Variants in AUTS2 observed in about 807,000 individuals in gnomAD.
AUTS2 encodes the protein autism susceptibility gene 2 protein.
In AUTS2, 17 loss-of-function variants were observed where a neutral mutation model predicts 112.4. That is an observed-to-expected ratio of 0.15 (90% CI 0.10 to 0.23). The LOEUF is 0.23. Ranked by LOEUF, AUTS2 falls within the 10% of genes least tolerant of loss-of-function variation. The pLI is 1.00. For synonymous variants in AUTS2, 751 were observed against 702.7 expected, an observed-to-expected ratio of 1.07 and a Z score of -1.09; for missense variants, 1,510 against 1,701.6, an observed-to-expected ratio of 0.89 and a Z score of 1.98.
intron 1 of AUTS2, among the ~76,000 whole-genome samples, chr7:69,619,383 C>A (rs1793547675): frequency 6.6e-6 from 1 of 152,082 alleles, no homozygotes; most frequent in South Asian, 2.1e-4. Flanking sequence ...TATAGCATTA[C>A]CTTGGAAGTC....
chr7:70,122,377 A>G (rs1231035457), intron 3 of AUTS2, among the ~76,000 whole-genome samples: 3 of 152,234 alleles, frequency 2.0e-5, no homozygotes, highest in Non-Finnish European at 2.9e-5. Context: ...AATAATGCTT[A>G]TTCTGCTTTC....
In AUTS2 at chr7:70,581,415, G is replaced by A. The variant is rs559996816; in HGVS notation, c.691-117154G>A. ...AAATAAATAAATAAATAAATTAGCCGGGTGCGATGGCATGTGCCTATAGTC... is the reference window on the plus strand; with the variant it reads ...AAATAAATAAATAAATAAATTAGCCAGGTGCGATGGCATGTGCCTATAGTC... On this transcript the variant is annotated intron_variant, in intron 5 of 18. Transcript: ENST00000342771. 1.5e-3 allele frequency among the ~76,000 whole-genome samples: 232 copies of A among 152,236 alleles called. 2 individuals carry two copies. The highest frequency in any genetic ancestry group is 6.8e-3 in the Middle Eastern group (2 of 294).
intron 4 of AUTS2, among the ~76,000 whole-genome samples, chr7:70,381,381 G>C (rs765855342): frequency 1.5e-4 from 23 of 152,302 alleles, no homozygotes; most frequent in Admixed American, 6.5e-4. Flanking sequence ...CTTTACAGCT[G>C]TGTGTTTTCC....
chr7:69,630,649 A>T (rs909685134), intron 1 of AUTS2, among the ~76,000 whole-genome samples: 2 of 152,238 alleles, frequency 1.3e-5, no homozygotes, highest in Non-Finnish European at 2.9e-5. Flanking sequence ...TTTGTTCAAG[A>T]TGTGGAAGTG....
chr7:69,903,320 A>G (rs1277993847), intron 2 of AUTS2, among the ~76,000 whole-genome samples: 1 of 152,232 alleles, frequency 6.6e-6, no homozygotes, highest in African/African-American at 2.4e-5. Context: ...AACCCTTCCC[A>G]GGGCATTGAG....
chr7:70,651,478 G>A (rs1313304246), intron 5 of AUTS2, among the ~76,000 whole-genome samples: 3 of 152,162 alleles, frequency 2.0e-5, no homozygotes, highest in East Asian at 1.9e-4. Flanking sequence ...TTAACCTACT[G>A]AGCATTGTAG....
chr7:69,611,604 G>T (rs573714724), intron 1 of AUTS2, among the ~76,000 whole-genome samples: 1 of 152,322 alleles, frequency 6.6e-6, no homozygotes, highest in South Asian at 2.1e-4. Context: ...AACTCAGCAT[G>T]TCTATACTGC....
chr7:70,259,883 A>C (rs1419619856), intron 4 of AUTS2, among the ~76,000 whole-genome samples: 9 of 152,182 alleles, frequency 5.9e-5, no homozygotes, highest in Non-Finnish European at 1.2e-4. Context: ...GAATAAATAT[A>C]TTTTAAGTGT....
At chr7:69,793,815 G>A (rs774301698) in intron 1 of AUTS2, among the ~76,000 whole-genome samples, 3 of 152,048 alleles carry the variant, frequency 2.0e-5, no homozygotes, top group South Asian at 2.1e-4. Flanking sequence ...TGATTTTAAT[G>A]TGCAGCCAAG....
intron 5 of AUTS2, among the ~76,000 whole-genome samples, chr7:70,601,690 A>G (rs1389207687): frequency 6.6e-6 from 1 of 152,154 alleles, no homozygotes; most frequent in Non-Finnish European, 1.5e-5. Flanking sequence ...CAAGTAGAGA[A>G]GCGGGGACAG....
intron 4 of AUTS2, among the ~76,000 whole-genome samples, chr7:70,338,880 T>A (rs1043695043): frequency 1.2e-5 from 1 of 84,270 alleles, no homozygotes; most frequent in Non-Finnish European, 2.9e-5. Flanking sequence ...TTATTTATTT[T>A]GAGACAGAGT....
At chr7:70,607,350 T>C (rs1803837745) in intron 5 of AUTS2, among the ~76,000 whole-genome samples, 1 of 152,148 alleles carries the variant, frequency 6.6e-6, no homozygotes, top group South Asian at 2.1e-4. Flanking sequence ...GCAGAATCCA[T>C]TGATGGAAAG....
chr7:70,780,035 A>G (rs1173820962), intron 14 of AUTS2, among the ~76,000 whole-genome samples: 1 of 152,088 alleles, frequency 6.6e-6, no homozygotes, highest in African/African-American at 2.4e-5. Flanking sequence ...TTAAAAAAAA[A>G]AAAAAAGAGT....
intron 6 of AUTS2, among the ~76,000 whole-genome samples, chr7:70,733,135 A>G (rs1374985554): frequency 1.3e-5 from 2 of 152,208 alleles, no homozygotes; most frequent in Non-Finnish European, 2.9e-5. Context: ...CTGAGACAGC[A>G]CCGAAGTATA....
chr7:70,522,107 G>C (rs1799668043), intron 5 of AUTS2, among the ~76,000 whole-genome samples: 1 of 152,144 alleles, frequency 6.6e-6, no homozygotes, highest in Non-Finnish European at 1.5e-5. Flanking sequence ...TGCCACTCAA[G>C]CGAGGACAAC....
intron 4 of AUTS2, among the ~76,000 whole-genome samples, chr7:70,384,499 G>T (rs1236139571): frequency 1.3e-5 from 2 of 152,160 alleles, no homozygotes; most frequent in Non-Finnish European, 2.9e-5. Flanking sequence ...CAGAAGCTGG[G>T]CCTACAGCAA....
intron 4 of AUTS2, among the ~76,000 whole-genome samples, chr7:70,234,825 A>G (rs983766238): frequency 2.6e-5 from 4 of 152,106 alleles, no homozygotes; most frequent in Non-Finnish European, 5.9e-5. Context: ...CACCTGGAAT[A>G]TTGATCTTCA....
At chr7:69,740,117 G>C (rs1787200381) in intron 1 of AUTS2, among the ~76,000 whole-genome samples, 1 of 152,170 alleles carries the variant, frequency 6.6e-6, no homozygotes, top group Non-Finnish European at 1.5e-5. Flanking sequence ...CTGCCTCTTT[G>C]GCCCTGGGGA....
intron 3 of AUTS2, among the ~76,000 whole-genome samples, chr7:70,121,053 G>A (rs867494227): frequency 3.7e-4 from 57 of 152,262 alleles, no homozygotes; most frequent in African/African-American, 1.3e-3. Flanking sequence ...ATACTTATAT[G>A]CCTAAATGAG....
Sources: allele counts gnomAD v4.1 joint callset (sites outside exome capture counted in the v4.1 genomes callset), GRCh38; gene constraint gnomAD v4.1.1; transcripts MANE v1.5; gene names NCBI Gene and HGNC (gene_info 2026-07-23, HGNC 2026-07-21).